Variants in TRIM33 observed in about 807,000 individuals in gnomAD.
TRIM33 encodes tripartite motif containing 33.
Under a neutral mutation model 125.4 loss-of-function variants are expected in TRIM33, and 20 were observed. The ratio of observed to expected loss-of-function variants is 0.16; its 90% CI spans 0.11 to 0.23. TRIM33 has a LOEUF of 0.23. TRIM33 is among the 10% of genes least tolerant of loss of function. The pLI is 1.00. For missense variants in TRIM33, 920 were observed against 1,411.4 expected, an observed-to-expected ratio of 0.65 and a Z score of 5.58; for synonymous variants, 564 against 513.9, an observed-to-expected ratio of 1.10 and a Z score of -1.32.
chr1:114,483,585 G>T (rs1398082937), intron 1 of TRIM33, among the ~76,000 whole-genome samples: 1 of 151,746 alleles, frequency 6.6e-6, no homozygotes, highest in Non-Finnish European at 1.5e-5. Context: ...CTAATTTTTT[G>T]TATTTTTAGT....
At chr1:114,445,939 C>T (rs1648945793) in intron 4 of TRIM33, among the ~76,000 whole-genome samples, 1 of 152,080 alleles carries the variant, frequency 6.6e-6, no homozygotes, top group Non-Finnish European at 1.5e-5. Context: ...CTCACTGCAA[C>T]CTCCGCCTCC....
chr1:114,397,605 T>TC lies in TRIM33; in HGVS notation c.*42dup, dbSNP rs1651616498. ...GTTTTTTGTGTTTTTTTTTTTTTTTTCGTTTTTTTTTTTTTAAACAATTGA... is the reference window on the plus strand; with the variant it reads ...GTTTTTTGTGTTTTTTTTTTTTTTTTCCGTTTTTTTTTTTTTAAACAATTGA... On this transcript the variant is annotated 3_prime_UTR_variant, in exon 20 of 20. Coordinates refer to ENST00000358465, the MANE Select transcript of TRIM33 (RefSeq NM_015906.4). 5 of 1,114,624 alleles carry TC rather than the reference T, an allele frequency of 4.5e-6. No individual in the cohort carries two copies. Among genetic ancestry groups the TC allele is most frequent in the East Asian group, 2.6e-5 (1 of 38,524 alleles). The allele number at this position is 1,114,624 out of a possible 1,614,324, so 69.0% of individuals were successfully genotyped here. A position where few individuals can be genotyped will look rare whatever the true frequency, so the allele number is the denominator to read the frequency against.
At position 114,396,325 on chromosome 1, in the gene TRIM33, G is replaced by A. The variant is rs1241983277; in HGVS notation, c.*1323C>T. On this transcript the variant is annotated 3_prime_UTR_variant, in exon 20 of 20. Coordinates refer to ENST00000358465, the MANE Select transcript of TRIM33 (RefSeq NM_015906.4). ...TGGGTTTACTCCAGTAACCATTCAAGTGGGGATTGGCTCATTTTCAGGATT... is the reference window on the plus strand; with the variant it reads ...TGGGTTTACTCCAGTAACCATTCAAATGGGGATTGGCTCATTTTCAGGATT... The A allele has an allele frequency of 1.5e-5, 3 of 205,606 alleles. No individual in the cohort carries two copies. Among genetic ancestry groups the A allele is most frequent in the Admixed American group, 1.2e-4 (2 of 16,758 alleles). The allele number at this position is 205,606 out of a possible 1,614,324, so 12.7% of individuals were successfully genotyped here. A position where few individuals can be genotyped will look rare whatever the true frequency, so the allele number is the denominator to read the frequency against.
intron 1 of TRIM33, among the ~76,000 whole-genome samples, chr1:114,464,716 C>T (rs781265844): frequency 6.6e-5 from 10 of 152,214 alleles, no homozygotes; most frequent in Middle Eastern, 3.4e-3. Context: ...TTTACAGATG[C>T]GATTAAGGCT....
intron 1 of TRIM33, among the ~76,000 whole-genome samples, chr1:114,484,633 CAG>C (rs765026057): frequency 2.6e-5 from 4 of 152,140 alleles, no homozygotes; most frequent in African/African-American, 4.8e-5. Flanking sequence ...GAGGCCGAGG[CAG>C]ACAGATTGCC....
At chr1:114,439,591 T>C (rs1274660610) in intron 4 of TRIM33, among the ~76,000 whole-genome samples, 3 of 148,500 alleles carry the variant, frequency 2.0e-5, no homozygotes, top group South Asian at 2.1e-4. Flanking sequence ...ACATGTATAA[T>C]TGGCATCCCC....
At chr1:114,421,414 C>T in intron 11 of TRIM33, 22 bp downstream of exon 11, 1 of 1,591,744 alleles carries the variant, frequency 6.3e-7, no homozygotes, top group African/African-American at 1.3e-5. Context: ...TTAATGAAGC[C>T]TCATTCAACT....
intron 5 of TRIM33, among the ~76,000 whole-genome samples, chr1:114,431,955 G>C (rs975543354): frequency 1.3e-5 from 2 of 152,194 alleles, no homozygotes; most frequent in African/African-American, 4.8e-5. Context: ...AGAGTAGTTA[G>C]AGAGTAGTTA....
At position 114,425,734 on chromosome 1, in the gene TRIM33, T is replaced by A. The variant is rs575997905; in HGVS notation, c.1421-11A>T. 1.1e-4 allele frequency: 171 copies of A among 1,568,928 alleles called. 1 individual carries two copies. In the South Asian group the frequency reaches 1.9e-3, roughly 18 times the overall value. ...CTATTACTAGATTACCTGAAAAATTTAAAAAATGAGAATTTGCATATAATC... is the reference window on the plus strand; with the variant it reads ...CTATTACTAGATTACCTGAAAAATTAAAAAAATGAGAATTTGCATATAATC... On this transcript the variant is annotated splice_polypyrimidine_tract_variant and intron_variant, in intron 8 of 19. Coordinates refer to ENST00000358465, the MANE Select transcript of TRIM33 (RefSeq NM_015906.4).
intron 17 of TRIM33, 72 bp from the exon 18 acceptor site, chr1:114,399,681 C>T: frequency 7.7e-7 from 1 of 1,298,804 alleles, no homozygotes; most frequent in Non-Finnish European, 1.1e-6. Flanking sequence ...AAATGCATAG[C>T]ATATTAATTT....
At chr1:114,475,895 T>C (rs1204685961) in intron 1 of TRIM33, among the ~76,000 whole-genome samples, 2 of 151,678 alleles carry the variant, frequency 1.3e-5, no homozygotes, top group African/African-American at 2.4e-5. Context: ...CCCAGCTACA[T>C]GCAAGGCTGA....
intron 4 of TRIM33, among the ~76,000 whole-genome samples, chr1:114,446,228 T>C (rs969804124): frequency 6.6e-6 from 1 of 152,190 alleles, no homozygotes; most frequent in Non-Finnish European, 1.5e-5. Context: ...CAAGAAATGC[T>C]GGAGAATATT....
intron 5 of TRIM33, among the ~76,000 whole-genome samples, chr1:114,431,617 G>T (rs539166977): frequency 1.3e-5 from 2 of 152,136 alleles, no homozygotes; most frequent in African/African-American, 4.8e-5. Context: ...AAATGTCAAC[G>T]ACCAACCATA....
At chr1:114,462,131 A>G (rs1038594265) in intron 4 of TRIM33, among the ~76,000 whole-genome samples, 1 of 152,142 alleles carries the variant, frequency 6.6e-6, no homozygotes, top group African/African-American at 2.4e-5. Flanking sequence ...AGGCTCTCTT[A>G]CACTTAAAAC....
At chr1:114,420,212 A>C (rs1653192537) in intron 11 of TRIM33, among the ~76,000 whole-genome samples, 1 of 152,246 alleles carries the variant, frequency 6.6e-6, no homozygotes, top group African/African-American at 2.4e-5. Flanking sequence ...AAGGGGCAAA[A>C]GGCCTCACTC....
chr1:114,492,962 T>C (rs1428979328), intron 1 of TRIM33, among the ~76,000 whole-genome samples: 1 of 152,212 alleles, frequency 6.6e-6, no homozygotes, highest in Non-Finnish European at 1.5e-5. Flanking sequence ...TAATTTTATG[T>C]TTAACTTTCT....
chr1:114,467,698 T>C (rs1650388103), intron 1 of TRIM33, among the ~76,000 whole-genome samples: 1 of 152,198 alleles, frequency 6.6e-6, no homozygotes, highest in South Asian at 2.1e-4. Flanking sequence ...GATCAACTAC[T>C]TTTCCATTAA....
Position 114,433,652 on chromosome 1 carries a change from A to G in TRIM33, c.1005T>C (p.Asn335=), listed in dbSNP as rs563187922. The change falls in exon 5 of 20, where the codon AAT becomes AAC. Residue 335 remains asparagine, a synonymous_variant. Transcript: ENST00000358465. ...CCTGAGTAGCTGCAAAATGAACATA[A>G]TTCTTCTTCTCAAGAAGTTTCGCCA... ...NLLAKLLEKK[N]YVHFAATQVQ... 3 of 1,612,204 alleles carry G rather than the reference A, an allele frequency of 1.9e-6. No individual in the cohort carries two copies. The African/African-American group carries it at 4.0e-5, about 21-fold the overall frequency.
chr1:114,441,475 G>A (rs1648647794), intron 4 of TRIM33, among the ~76,000 whole-genome samples: 1 of 152,168 alleles, frequency 6.6e-6, no homozygotes, highest in Non-Finnish European at 1.5e-5. Context: ...GTGATAGAGA[G>A]GACGTTAAGT....
Sources: gnomAD v4.1 joint callset for allele counts (sites outside exome capture counted in the v4.1 genomes callset) on GRCh38, gnomAD v4.1.1 for gene constraint, MANE v1.5 for transcripts, NCBI Gene and HGNC (gene_info 2026-07-23, HGNC 2026-07-21) for gene names.